Variants in ABCC4 observed in about 807,000 individuals in gnomAD.
ABCC4 encodes the protein ATP binding cassette subfamily C member 4 (PEL blood group).
In ABCC4, 102 loss-of-function variants were observed where a neutral mutation model predicts 168.5. The observed-to-expected ratio is 0.61, with a 90% confidence interval of 0.52 to 0.71. The LOEUF (loss-of-function observed/expected upper bound fraction) is 0.71. Among genes scored for constraint, ABCC4 ranks in the 30% least tolerant of loss-of-function variants. ABCC4 has a pLI of 0.00. For missense variants in ABCC4, 1,402 were observed against 1,605.8 expected (o/e 0.87, Z 2.17); for synonymous variants, 617 against 590.7 (o/e 1.04, Z -0.65).
In ABCC4 at chr13:95,247,639, T is replaced by G. The variant is rs1349449035; in HGVS notation, c.185+4A>C. On this transcript the variant is annotated splice_donor_region_variant and intron_variant, in intron 2 of 30. Transcript: ENST00000645237. ...TAATGCCCACTTTACTGCCTCCGAC[T>G]TACCCTTGCAACTCCTCTCCAAGGT... The G allele has an allele frequency of 1.9e-6, 3 of 1,611,336 alleles. No homozygotes were observed. In the East Asian group the frequency reaches 6.7e-5, roughly 36 times the overall value.
chr13:95,097,809 A>G (rs1198631985), intron 20 of ABCC4, among the ~76,000 whole-genome samples: 1 of 151,984 alleles, frequency 6.6e-6, no homozygotes, highest in Admixed American at 6.6e-5. Context: ...TATATACTCC[A>G]TAATAACTCA....
intron 10 of ABCC4, among the ~76,000 whole-genome samples, chr13:95,187,710 G>C (rs970319121): frequency 6.6e-6 from 1 of 152,074 alleles, no homozygotes; most frequent in African/African-American, 2.4e-5. Flanking sequence ...CCCAAGAATC[G>C]TGTCTCTGAA....
intron 1 of ABCC4, among the ~76,000 whole-genome samples, chr13:95,279,803 A>T (rs1277657906): frequency 6.6e-6 from 1 of 152,146 alleles, no homozygotes; most frequent in East Asian, 1.9e-4. Context: ...GGGATGGGGA[A>T]GTGGGGTTCG....
intron 20 of ABCC4, among the ~76,000 whole-genome samples, chr13:95,113,616 G>A (rs914301050): frequency 6.6e-6 from 1 of 151,160 alleles, no homozygotes; most frequent in Non-Finnish European, 1.5e-5. Context: ...GCCTTTATTT[G>A]AGGGCAGGTT....
chr13:95,104,887 C>T (rs2034946780), intron 20 of ABCC4, among the ~76,000 whole-genome samples: 1 of 152,164 alleles, frequency 6.6e-6, no homozygotes, highest in Non-Finnish European at 1.5e-5. Flanking sequence ...GAACACAGTC[C>T]TCAACCTTTT....
Position 95,206,531 on chromosome 13 carries a change from C to T in ABCC4, c.1161+1G>A. 6.2e-7 allele frequency: 1 copy of T among 1,613,028 alleles called. No individual in the cohort carries two copies. The highest frequency in any genetic ancestry group is 8.5e-7 in the Non-Finnish European group (1 of 1,179,022). The stretch of plus-strand genomic sequence containing the variant: ...ACTTTAAAATGGCATCTGACACCAA[C>T]CTGGATTCTTCGGATGCTGACGATT... On this transcript the variant is annotated splice_donor_variant, in intron 8 of 30. Transcript: ENST00000645237. LOFTEE classifies it high-confidence loss of function.
chr13:95,115,879 T>A (rs1442655038), intron 20 of ABCC4, 43 bp downstream of exon 20: 1 of 1,551,894 alleles, frequency 6.4e-7, no homozygotes, highest in Admixed American at 1.8e-5. Flanking sequence ...AAATAGGAAC[T>A]TCCGTTTTCC....
At chr13:95,218,925 AAG>A (rs777167513) in intron 4 of ABCC4, among the ~76,000 whole-genome samples, 17,350 of 94,340 alleles carry the variant, frequency 0.18, 2,100 homozygotes, top group Non-Finnish European at 0.24. Context: ...GAGAGAAAGA[AAG>A]AGAAAGAAAG....
At chr13:95,225,147 TCTCTCTCACA>T (rs1325216369) in intron 4 of ABCC4, among the ~76,000 whole-genome samples, 1,827 of 100,726 alleles carry the variant, frequency 0.018, 24 homozygotes, top group African/African-American at 0.024. Flanking sequence ...TCTGTCTCTC[TCTCTCTCACA>T]CACACACACA....
At chr13:95,247,505 G>A in intron 2 of ABCC4, 138 bp downstream of exon 2, 1 of 659,106 alleles carries the variant, frequency 1.5e-6, no homozygotes, top group Non-Finnish European at 2.6e-6. Context: ...CTGAGCCTAG[G>A]GGCAGCCTGA....
At chr13:95,221,370 T>G (rs994550555) in intron 4 of ABCC4, among the ~76,000 whole-genome samples, 1 of 152,090 alleles carries the variant, frequency 6.6e-6, no homozygotes, top group Non-Finnish European at 1.5e-5. Context: ...CTGAGACTAC[T>G]GGTACACACC....
At chr13:95,278,826 A>T (rs989012576) in intron 1 of ABCC4, among the ~76,000 whole-genome samples, 1 of 150,754 alleles carries the variant, frequency 6.6e-6, no homozygotes, top group Non-Finnish European at 1.5e-5. Context: ...AAAAAAAAAA[A>T]AAAAAAACAC....
At chr13:95,132,673 G>C (rs1446175417) in intron 19 of ABCC4, among the ~76,000 whole-genome samples, 2 of 152,002 alleles carry the variant, frequency 1.3e-5, no homozygotes, top group East Asian at 3.8e-4. Context: ...GGTTGAATCT[G>C]AGCACCCACA....
rs528088109 is a variant in ABCC4, at chr13:95,297,536, A to G, written c.74+3705T>C. Among the ~76,000 whole-genome samples, 32 of 152,310 alleles carry G rather than the reference A, an allele frequency of 2.1e-4. No homozygotes were observed. In the South Asian group the frequency reaches 6.4e-3, roughly 31 times the overall value. On this transcript the variant is annotated intron_variant, in intron 1 of 30. Transcript: ENST00000645237. ...CAAACACTCAACAAGAAGGTGAAAAAGCAGTTTTTCCCTACAAGGTGGGCC... is the reference window on the plus strand; with the variant it reads ...CAAACACTCAACAAGAAGGTGAAAAGGCAGTTTTTCCCTACAAGGTGGGCC...
chr13:95,281,530 G>A (rs2041126541), intron 1 of ABCC4, among the ~76,000 whole-genome samples: 1 of 152,042 alleles, frequency 6.6e-6, no homozygotes. Flanking sequence ...TCAGAAGGAA[G>A]CAAAGTATTC....
chr13:95,151,614 GAGA>G (rs773227907), intron 19 of ABCC4, among the ~76,000 whole-genome samples: 3 of 132,120 alleles, frequency 2.3e-5, no homozygotes, highest in Non-Finnish European at 3.2e-5. Context: ...GAAGGAGAAG[GAGA>G]AGAAGGAGAA....
chr13:95,263,604 C>T (rs1216089630), intron 1 of ABCC4, among the ~76,000 whole-genome samples: 2 of 152,134 alleles, frequency 1.3e-5, no homozygotes, highest in Non-Finnish European at 1.5e-5. Context: ...GGGTGAATCA[C>T]CTGAGGTCAG....
intron 19 of ABCC4, among the ~76,000 whole-genome samples, chr13:95,151,599 GAGGAGA>G (rs147465373): frequency 0.26 from 37,614 of 145,270 alleles, 4,976 homozygotes; most frequent in African/African-American, 0.37. Context: ...GAAGAAGGAG[GAGGAGA>G]AGGAGAAGGA....
chr13:95,028,553 T>C (rs2031658363), intron 30 of ABCC4, among the ~76,000 whole-genome samples: 1 of 151,914 alleles, frequency 6.6e-6, no homozygotes, highest in Admixed American at 6.6e-5. Flanking sequence ...GCAGAATGTA[T>C]AAATAAAAAA....
Sources: gnomAD v4.1 joint callset for allele counts (sites outside exome capture counted in the v4.1 genomes callset) on GRCh38, gnomAD v4.1.1 for gene constraint, MANE v1.5 for transcripts, NCBI Gene and HGNC (gene_info 2026-07-23, HGNC 2026-07-21) for gene names.